The following EBAG9 variants were observed in gnomAD, a reference collection of about 807,000 sequenced individuals.
EBAG9 encodes receptor-binding cancer antigen expressed on SiSo cells.
Under a neutral mutation model 30.9 loss-of-function variants are expected in EBAG9, and 16 were observed. The ratio of observed to expected loss-of-function variants is 0.52; its 90% CI spans 0.35 to 0.79. The LOEUF is 0.79. EBAG9 is among the 30% of genes least tolerant of loss of function. The probability of loss-of-function intolerance (pLI) is 0.01; values close to 1 mark genes in which losing one functional copy is unlikely to be tolerated. For missense variants in EBAG9, 197 were observed against 242.1 expected (o/e 0.81, Z 1.24); for synonymous variants, 93 against 82.8 (o/e 1.12, Z -0.67).
chr8:109,545,450 G>A (rs10107635), intron 1 of EBAG9, among the ~76,000 whole-genome samples: 149,836 of 149,836 alleles, frequency 1, 74,918 homozygotes, highest in Non-Finnish European at 1. Context: ...CGCAACCTCC[G>A]CCTCCCAGGG....
chr8:109,563,324 C>T (rs1821745521), intron 6 of EBAG9: 1 of 1,536,248 alleles, frequency 6.5e-7, no homozygotes, highest in Admixed American at 1.8e-5. Flanking sequence ...CTATTCCATG[C>T]CCAATTGTGA....
intron 6 of EBAG9, chr8:109,563,478 A>G: frequency 2.5e-6 from 4 of 1,597,656 alleles, no homozygotes; most frequent in Non-Finnish European, 3.4e-6. Context: ...TTAACCAATC[A>G]GTAAAGATAG....
chr8:109,551,494 C>A (rs1193246462), intron 2 of EBAG9, among the ~76,000 whole-genome samples: 1 of 152,094 alleles, frequency 6.6e-6, no homozygotes, highest in Admixed American at 6.6e-5. Flanking sequence ...TGCTGAGGCA[C>A]CTCAGGGCTT....
At chr8:109,541,010 A>G (rs1821263096) in intron 1 of EBAG9, among the ~76,000 whole-genome samples, 1 of 152,054 alleles carries the variant, frequency 6.6e-6, no homozygotes, top group Admixed American at 6.6e-5. Context: ...AATACATTTG[A>G]TCTATCAGTT....
At chr8:109,560,959 G>A in intron 6 of EBAG9, 30 bp downstream of exon 6, 1 of 1,573,938 alleles carries the variant, frequency 6.4e-7, no homozygotes, top group Non-Finnish European at 8.7e-7. Context: ...ATTGCAACCT[G>A]AGTAGAAGAA....
At chr8:109,563,353 A>C in intron 6 of EBAG9, 1 of 1,586,102 alleles carries the variant, frequency 6.3e-7, no homozygotes. Context: ...TTCCTTCCTC[A>C]ACGTTGCATA....
Position 109,553,964 on chromosome 8 carries a change from C to CTTTTG in EBAG9, c.162+37_162+41dup, listed in dbSNP as rs373590104. The CTTTTG allele has an allele frequency of 1.9e-4, 292 of 1,558,512 alleles. 1 individual carries two copies. The African/African-American group carries it at 3.3e-3, about 18-fold the overall frequency. ...AGCAGGTAGGTTTTTTTTGTGTGTT[C>CTTTTG]TTTTGTTTTGTTTTGTTTTGAAAGA... On this transcript the variant is annotated intron_variant, in intron 3 of 6. Transcript: ENST00000337573.
At position 109,556,986 on chromosome 8, in the gene EBAG9, A is replaced by G; in HGVS notation, c.373A>G (p.Thr125Ala). 1 of 1,608,500 alleles carries G rather than the reference A, an allele frequency of 6.2e-7. No homozygotes were observed. Among genetic ancestry groups the G allele is most frequent in the Non-Finnish European group, 8.5e-7 (1 of 1,176,870 alleles). Residue 125 changes from threonine (T) to alanine (A), a missense_variant, in exon 5 of 7, where the codon ACA becomes GCA. Coordinates refer to ENST00000337573, the MANE Select transcript of EBAG9 (RefSeq NM_004215.5). ...GAATTTTGGCATCCCAGATGGGAGC[A>G]CAGGTTTCTCTAGTAGATTAGCAGC... is the stretch of plus-strand genomic sequence containing the variant. Reference protein sequence around the residue: ...PLNFGIPDGSTGFSSRLAATQ... With the variant: ...PLNFGIPDGSAGFSSRLAATQ...
At chr8:109,559,260 C>T (rs1030774052) in intron 5 of EBAG9, among the ~76,000 whole-genome samples, 2 of 152,086 alleles carry the variant, frequency 1.3e-5, no homozygotes, top group Admixed American at 1.3e-4. Context: ...AATTCGAGAC[C>T]AGCCTAGGCA....
chr8:109,555,995 G>A (rs1304070602), intron 4 of EBAG9, among the ~76,000 whole-genome samples: 1 of 151,982 alleles, frequency 6.6e-6, no homozygotes, highest in Non-Finnish European at 1.5e-5. Context: ...GCCATTTCTT[G>A]TTTACCAGTA....
rs1821700281 is a variant in EBAG9 at position 109,561,001 on chromosome 8, A to G, written c.521+72A>G. The G allele has an allele frequency of 3.8e-6, 5 of 1,332,584 alleles. No homozygotes were observed. In the South Asian group the frequency reaches 4.1e-5, roughly 11 times the overall value. 82.5% of individuals were successfully genotyped at this position (1,332,584 alleles called of 1,614,324 possible). ...TTCTTCCCTGCTGTGTTTCAAGTCA[A>G]GGGAGCCTATTTTGCCAAATATTAT... On this transcript the variant is annotated intron_variant, in intron 6 of 6. Transcript: ENST00000337573.
chr8:109,565,973 A>C lies in EBAG9; in HGVS notation c.*1414A>C, dbSNP rs1382405501. 1.3e-5 allele frequency: 2 copies of C among 152,126 alleles called. No individual in the cohort carries two copies. The highest frequency in any genetic ancestry group is 2.9e-5 in the Non-Finnish European group (2 of 67,960). 9.4% of individuals were successfully genotyped at this position (152,126 alleles called of 1,614,324 possible). A position where few individuals can be genotyped will look rare whatever the true frequency, so the allele number is the denominator to read the frequency against. ...TATTATATTCATTAGAATTTCTGCT[A>C]ATAAACTCCCAACTTAAATAGAATT... is the stretch of plus-strand genomic sequence containing the variant. On this transcript the variant is annotated 3_prime_UTR_variant, in exon 7 of 7. Coordinates refer to ENST00000337573, the MANE Select transcript of EBAG9 (RefSeq NM_004215.5).
rs1821778099 is a variant in EBAG9, at chr8:109,564,526, G to A, written c.609G>A (p.Lys203=). The A allele has an allele frequency of 6.2e-7, 1 of 1,612,360 alleles. No homozygotes were observed. The highest frequency in any genetic ancestry group is 8.5e-7 in the Non-Finnish European group (1 of 1,178,906). Residue 203 remains lysine, a synonymous_variant, in exon 7 of 7, where the codon AAG becomes AAA. Transcript: ENST00000337573. ...AGGAAGCACAACGGCTAATGAAGAA[G>A]GAACAAAACAAAATTGGTGTGAAAC... ...MEKEAQRLMK[K]EQNKIGVKLS
At chr8:109,555,052 T>C (rs1821570653) in intron 4 of EBAG9, among the ~76,000 whole-genome samples, 165 bp downstream of exon 4, 1 of 152,076 alleles carries the variant, frequency 6.6e-6, no homozygotes, top group African/African-American at 2.4e-5. Flanking sequence ...GTTACATATG[T>C]ATACATGTGC....
At chr8:109,540,121 C>T (rs1821240468), upstream of EBAG9, 1 of 152,446 alleles carries the variant, frequency 6.6e-6, no homozygotes, top group African/African-American at 2.4e-5. Context: ...GGTACTGTTT[C>T]CGGGTCAGGG....
At chr8:109,540,496 G>A (rs1821250898) in intron 1 of EBAG9, 35 bp downstream of exon 1, 1 of 152,074 alleles carries the variant, frequency 6.6e-6, no homozygotes, top group African/African-American at 2.4e-5. Flanking sequence ...ATTTCACGTG[G>A]GTAATCTGAA....
intron 4 of EBAG9, among the ~76,000 whole-genome samples, chr8:109,555,598 CT>C (rs1029324735): frequency 1.7e-4 from 26 of 152,244 alleles, no homozygotes; most frequent in African/African-American, 6.0e-4. Flanking sequence ...CAAGTTTGTA[CT>C]TCAGTAATAT....
At chr8:109,550,734 A>C (rs1411903137) in intron 1 of EBAG9, 76 bp from the exon 2 acceptor site, 1 of 804,654 alleles carries the variant, frequency 1.2e-6, no homozygotes, top group East Asian at 2.7e-5. Flanking sequence ...CTTAGTGCAT[A>C]ATAGGTCTTT....
At chr8:109,564,319 T>G in intron 6 of EBAG9, 120 bp from the exon 7 acceptor site, 1 of 1,346,300 alleles carries the variant, frequency 7.4e-7, no homozygotes, top group African/African-American at 1.5e-5. Flanking sequence ...GTGAGAAAAT[T>G]TTAAGACTTT....
Sources: gnomAD v4.1 joint callset for allele counts (sites outside exome capture counted in the v4.1 genomes callset) on GRCh38, gnomAD v4.1.1 for gene constraint, MANE v1.5 for transcripts, NCBI Gene and HGNC (gene_info 2026-07-23, HGNC 2026-07-21) for gene names.